IL4R: variants seen among roughly 807,000 people sequenced by gnomAD.
The protein encoded by IL4R is interleukin-4 receptor subunit alpha.
In IL4R, 17 loss-of-function variants were observed where a neutral mutation model predicts 41.5. The observed-to-expected ratio is 0.41, with a 90% CI of 0.28 to 0.61. The LOEUF is 0.61. Ranked by LOEUF, IL4R falls within the 20% of genes least tolerant of loss-of-function variation. IL4R has a pLI of 0.31. For synonymous variants in IL4R, 402 were observed against 422.9 expected (o/e 0.95, Z 0.61); for missense variants, 974 against 1,043.1 (o/e 0.93, Z 0.91).
chr16:27,351,031 G>T (rs1174696859), intron 6 of IL4R, among the ~76,000 whole-genome samples: 1 of 152,192 alleles, frequency 6.6e-6, no homozygotes, highest in Non-Finnish European at 1.5e-5. Context: ...TTCTGTGGTT[G>T]GGAGTCTGGA....
At chr16:27,355,777 C>T in intron 7 of IL4R, 31 bp from the exon 8 acceptor site, 2 of 1,506,396 alleles carry the variant, frequency 1.3e-6, no homozygotes, top group African/African-American at 1.4e-5. Flanking sequence ...CATGGCTGAC[C>T]TCAGCTCATG....
rs67336687 is a variant in IL4R at position 27,336,676 on chromosome 16, CAAAAAA to C, written c.-18-3495_-18-3490del. ...TTGGGTAACAGAGTAAACTCTGTCT[CAAAAAA>C]AAAAAAAAAAAAAAGGAAAGGGAGG... is the stretch of plus-strand genomic sequence containing the variant. On this transcript the variant is annotated intron_variant, in intron 2 of 10. Coordinates refer to ENST00000395762, the MANE Select transcript of IL4R (RefSeq NM_000418.4). Among the ~76,000 whole-genome samples, 52 of 68,332 alleles carry C rather than the reference CAAAAAA, an allele frequency of 7.6e-4. 1 individual carries two copies. In the East Asian group the frequency reaches 0.028, roughly 37 times the overall value. 44.8% of individuals were successfully genotyped at this position (68,332 alleles called of 152,430 possible).
intron 1 of IL4R, among the ~76,000 whole-genome samples, chr16:27,324,464 G>T (rs9940713): frequency 6.6e-6 from 1 of 152,224 alleles, no homozygotes; most frequent in East Asian, 1.9e-4. Flanking sequence ...CTGTGTGCCA[G>T]GCACCGTGCT....
At chr16:27,321,391 T>C (rs1329788758) in intron 1 of IL4R, among the ~76,000 whole-genome samples, 1 of 152,246 alleles carries the variant, frequency 6.6e-6, no homozygotes, top group African/African-American at 2.4e-5. Flanking sequence ...CAGGAAATTA[T>C]AAGTTTGGCC....
chr16:27,338,310 C>G (rs1054226871), intron 2 of IL4R, among the ~76,000 whole-genome samples: 1 of 151,762 alleles, frequency 6.6e-6, no homozygotes, highest in African/African-American at 2.4e-5. Context: ...CTTGACATCC[C>G]AGGCTCAAAC....
rs1274693809 is a variant in IL4R at position 27,345,429 on chromosome 16, G to A, written c.361+409G>A. 4 of 349,670 alleles carry A rather than the reference G, an allele frequency of 1.1e-5. No individual in the cohort carries two copies. The highest frequency in any genetic ancestry group is 2.1e-5 in the African/African-American group (1 of 46,846). 21.7% of individuals were successfully genotyped at this position (349,670 alleles called of 1,614,324 possible). The stretch of plus-strand genomic sequence containing the variant: ...GAAGGCTGACCTTCTTCTGGTACCC[G>A]GAGTCCCTGCAGGAATCCCCCTTGA... On this transcript the variant is annotated intron_variant, in intron 5 of 10. Transcript: ENST00000395762. This position sits in a 1 kb window ranked among gnomAD's most constrained non-coding sequence, Gnocchi z 4.5.
At chr16:27,322,889 TGAG>T (rs2141064612) in intron 1 of IL4R, among the ~76,000 whole-genome samples, 1 of 152,166 alleles carries the variant, frequency 6.6e-6, no homozygotes, top group African/African-American at 2.4e-5. Context: ...ATTTCACAGA[TGAG>T]GAGACTGAGG....
At chr16:27,317,547 G>A (rs910948108) in intron 1 of IL4R, among the ~76,000 whole-genome samples, 3 of 152,182 alleles carry the variant, frequency 2.0e-5, no homozygotes, top group East Asian at 1.9e-4. Flanking sequence ...AATGTGGATC[G>A]GAGCGCCCCG....
At chr16:27,322,783 A>G (rs1044148330) in intron 1 of IL4R, among the ~76,000 whole-genome samples, 5 of 152,116 alleles carry the variant, frequency 3.3e-5, no homozygotes, top group African/African-American at 9.7e-5. Context: ...CATGAATTCT[A>G]TTTTATTGAT....
intron 4 of IL4R, among the ~76,000 whole-genome samples, chr16:27,343,536 C>T (rs2085512592): frequency 6.6e-6 from 1 of 152,180 alleles, no homozygotes. Context: ...AAGCGATTCT[C>T]CTGTCTCAGC....
intron 2 of IL4R, among the ~76,000 whole-genome samples, chr16:27,336,501 AC>A (rs1567314541): frequency 6.6e-6 from 1 of 151,310 alleles, no homozygotes; most frequent in Non-Finnish European, 1.5e-5. Context: ...ACATAATGAG[AC>A]CCCATCTCTA....
chr16:27,360,346 GTGCCTGAGCCATGTGCCT>G (rs1366058098), intron 9 of IL4R, among the ~76,000 whole-genome samples: 1 of 152,248 alleles, frequency 6.6e-6, no homozygotes, highest in Non-Finnish European at 1.5e-5. Flanking sequence ...GACAGTGCAG[GTGCCTGAGCCATGTGCCT>G]CTCACTCTCC....
Position 27,355,749 on chromosome 16 carries a change from G to A in IL4R, c.671-59G>A, listed in dbSNP as rs55634391. 8,014 of 1,245,976 alleles carry A rather than the reference G, an allele frequency of 6.4e-3. 43 individuals are homozygous for A. Among genetic ancestry groups the A allele is most frequent in the Non-Finnish European group, 8.5e-3 (7,270 of 854,164 alleles). 77.2% of individuals were successfully genotyped at this position (1,245,976 alleles called of 1,614,324 possible). ...GACCCTGGGTCTCCAGTCCTGGGAA[G>A]TGGAGCCCAGGCTGTACCATGGCTG... On this transcript the variant is annotated intron_variant, in intron 7 of 10. Coordinates refer to ENST00000395762, the MANE Select transcript of IL4R (RefSeq NM_000418.4).
At chr16:27,329,172 G>A (rs2085043390) in intron 1 of IL4R, among the ~76,000 whole-genome samples, 2 of 152,004 alleles carry the variant, frequency 1.3e-5, no homozygotes, top group South Asian at 2.1e-4. Context: ...CACCATGTAC[G>A]CCTGCTCCCC....
chr16:27,314,447 A>C (rs2141036501), intron 1 of IL4R, among the ~76,000 whole-genome samples: 1 of 152,340 alleles, frequency 6.6e-6, no homozygotes, highest in Non-Finnish European at 1.5e-5. Flanking sequence ...TTTGAGTAGT[A>C]GGTCAGTGAA....
chr16:27,348,377 G>C (rs945765947), intron 6 of IL4R, among the ~76,000 whole-genome samples: 5 of 152,182 alleles, frequency 3.3e-5, no homozygotes, highest in Non-Finnish European at 5.9e-5. Context: ...AGGATGGGCT[G>C]GGGGGAAGAG....
intron 1 of IL4R, among the ~76,000 whole-genome samples, chr16:27,320,369 T>G (rs2141056183): frequency 6.6e-6 from 1 of 152,328 alleles, no homozygotes; most frequent in African/African-American, 2.4e-5. Flanking sequence ...GTAATGTGCT[T>G]GAATCATCCC....
At chr16:27,315,682 G>A (rs1366588984) in intron 1 of IL4R, 2 of 152,536 alleles carry the variant, frequency 1.3e-5, no homozygotes, top group East Asian at 3.8e-4. Flanking sequence ...GGAGTAAGCA[G>A]AAGCCAGAGA....
rs781284350 is a variant in IL4R, at chr16:27,363,534, C to T, written c.2182C>T (p.His728Tyr). The T allele has an allele frequency of 4.3e-6, 7 of 1,614,046 alleles. No individual in the cohort carries two copies. Among genetic ancestry groups the T allele is most frequent in the Non-Finnish European group, 5.9e-6 (7 of 1,180,032 alleles). The change falls in exon 11 of 11, where the codon CAT (histidine) becomes TAT (tyrosine). Residue 728 changes from histidine (H) to tyrosine (Y), a missense_variant. By Grantham distance (83) the His-to-Tyr change is moderately conservative. Coordinates refer to ENST00000395762, the MANE Select transcript of IL4R (RefSeq NM_000418.4). The part of the protein sequence containing the change: ...CHLCGHLKQC[H>Y]GQEDGGQTPV... ...CCTGTGCGGCCACCTGAAACAGTGT[C>T]ATGGCCAGGAGGATGGTGGCCAGAC...
Sources: allele counts gnomAD v4.1 joint callset (sites outside exome capture counted in the v4.1 genomes callset), GRCh38; gene constraint gnomAD v4.1.1; non-coding constraint Gnocchi (gnomAD v3.1); transcripts MANE v1.5; gene names NCBI Gene and HGNC (gene_info 2026-07-23, HGNC 2026-07-21).